FAM107B: variants seen among roughly 807,000 people sequenced by gnomAD.
FAM107B encodes the protein protein FAM107B.
Under a neutral mutation model 31.5 loss-of-function variants are expected in FAM107B, and 21 were observed. The ratio of observed to expected loss-of-function variants is 0.67; its 90% confidence interval spans 0.47 to 0.96. The LOEUF (loss-of-function observed/expected upper bound fraction) is 0.96, where lower values mean the gene tolerates loss of function less well. Ranked by LOEUF, FAM107B falls within the 40% of genes least tolerant of loss-of-function variation. FAM107B has a pLI of 0.00. For synonymous variants in FAM107B, 157 were observed against 141.5 expected (o/e 1.11, Z -0.78); for missense variants, 452 against 377.1 (o/e 1.20, Z -1.64).
At chr10:14,648,456 A>G (rs959932580) in intron 2 of FAM107B, among the ~76,000 whole-genome samples, 1 of 152,202 alleles carries the variant, frequency 6.6e-6, no homozygotes, top group African/African-American at 2.4e-5. Context: ...CTATTCAGAT[A>G]TCACTGGAAT....
intron 2 of FAM107B, among the ~76,000 whole-genome samples, chr10:14,595,468 C>G (rs544616058): frequency 7.2e-6 from 1 of 138,450 alleles, no homozygotes; most frequent in African/African-American, 2.6e-5. Flanking sequence ...CTCTGTCACC[C>G]AGGCTGGAGT....
chr10:14,529,131 G>A lies in FAM107B; in HGVS notation c.653+1201C>T, dbSNP rs536617786. 8.5e-5 allele frequency among the ~76,000 whole-genome samples: 13 copies of A among 152,300 alleles called. No homozygotes were observed. In the South Asian group the frequency reaches 2.7e-3, roughly 32 times the overall value. ...AATGAAGACATGATTTCCCAGGCAG[G>A]ATAGGATGGCTTCTAAATTCTGTGG... On this transcript the variant is annotated intron_variant, in intron 3 of 4. Coordinates refer to ENST00000181796, the MANE Select transcript of FAM107B (RefSeq NM_031453.4).
rs541056279 is a variant in FAM107B, at chr10:14,764,703, C to T, written c.411+9550G>A. Among the ~76,000 whole-genome samples the T allele has an allele frequency of 2.0e-4, 31 of 152,268 alleles. No individual in the cohort carries two copies. In the South Asian group the frequency reaches 6.4e-3, roughly 32 times the overall value. On this transcript the variant is annotated intron_variant, in intron 1 of 4. Transcript: ENST00000181796. ...GCTGGAAAAAGAAATCTCTAATTTCCCATAATTGATGTAGCACATCCATTC... is the reference window on the plus strand; with the variant it reads ...GCTGGAAAAAGAAATCTCTAATTTCTCATAATTGATGTAGCACATCCATTC...
chr10:14,772,685 C>G (rs1158335748), intron 1 of FAM107B, among the ~76,000 whole-genome samples: 1 of 152,162 alleles, frequency 6.6e-6, no homozygotes, highest in Non-Finnish European at 1.5e-5. Context: ...AATGTCCTCT[C>G]TGCTCCGGGC....
At chr10:14,654,225 C>T (rs1479025492) in intron 2 of FAM107B, among the ~76,000 whole-genome samples, 4 of 151,784 alleles carry the variant, frequency 2.6e-5, no homozygotes, top group Non-Finnish European at 4.4e-5. Flanking sequence ...TAAACATTGG[C>T]AACCAATTTT....
At chr10:14,548,630 C>A in intron 2 of FAM107B, 17 of 985,482 alleles carry the variant, frequency 1.7e-5, no homozygotes, top group Non-Finnish European at 2.0e-5. Context: ...AGGGCTCTCT[C>A]CAGCTGCGAA....
chr10:14,549,606 A>G (rs1426640117), intron 2 of FAM107B, among the ~76,000 whole-genome samples: 3 of 152,168 alleles, frequency 2.0e-5, no homozygotes, highest in African/African-American at 7.2e-5. Flanking sequence ...CTCCCTCTGG[A>G]GGCTTGTGGT....
At chr10:14,634,170 G>T (rs1395547749) in intron 2 of FAM107B, among the ~76,000 whole-genome samples, 1 of 152,184 alleles carries the variant, frequency 6.6e-6, no homozygotes, top group African/African-American at 2.4e-5. Flanking sequence ...GCCAAGGTGG[G>T]TGGATCATGA....
rs577747280 is a variant in FAM107B at position 14,520,640 on chromosome 10, C to T, written c.*550G>A. 3.3e-5 allele frequency: 5 copies of T among 152,350 alleles called. No homozygotes were observed. The East Asian group carries it at 5.8e-4, about 18-fold the overall frequency. 9.4% of individuals were successfully genotyped at this position (152,350 alleles called of 1,614,324 possible). A position where few individuals can be genotyped will look rare whatever the true frequency, so the allele number is the denominator to read the frequency against. ...AAGGGTAGTGGCTGTGCTCGACATT[C>T]ACGTTCCTTCTCTGGTGTTAACTGC... On this transcript the variant is annotated 3_prime_UTR_variant, in exon 5 of 5. Transcript: ENST00000181796.
intron 1 of FAM107B, among the ~76,000 whole-genome samples, chr10:14,737,753 G>GCA (rs1430948815): frequency 1.6e-5 from 2 of 123,734 alleles, no homozygotes; most frequent in African/African-American, 6.3e-5. Context: ...ATGCAGTGCT[G>GCA]TGCGTGCACG....
chr10:14,567,741 G>T (rs1414411344), intron 2 of FAM107B, among the ~76,000 whole-genome samples: 1 of 152,220 alleles, frequency 6.6e-6, no homozygotes, highest in African/African-American at 2.4e-5. Context: ...GGAAAAATCT[G>T]ATGTTCTTAT....
At chr10:14,718,811 T>C (rs943042026) in intron 1 of FAM107B, among the ~76,000 whole-genome samples, 1 of 152,278 alleles carries the variant, frequency 6.6e-6, no homozygotes, top group Non-Finnish European at 1.5e-5. Flanking sequence ...ATGCTGGTTC[T>C]GTTCATTGCA....
intron 2 of FAM107B, chr10:14,604,395 G>A (rs1027046676): frequency 1.1e-5 from 3 of 265,832 alleles, no homozygotes; most frequent in Non-Finnish European, 1.7e-5. Flanking sequence ...GGCGCAGGGC[G>A]GCTCTCGCTC....
intron 2 of FAM107B, among the ~76,000 whole-genome samples, chr10:14,604,742 G>T (rs114000381): frequency 3.9e-4 from 58 of 149,180 alleles, no homozygotes; most frequent in African/African-American, 1.4e-3. Context: ...TCGTTCCCTC[G>T]CTCTCTCCCT....
chr10:14,602,206 C>T (rs541022953), intron 2 of FAM107B, among the ~76,000 whole-genome samples: 20 of 152,298 alleles, frequency 1.3e-4, no homozygotes, highest in African/African-American at 4.1e-4. Context: ...CTCCCCTGAG[C>T]GTGTGTGCAG....
At chr10:14,558,456 G>C (rs1564564939) in intron 2 of FAM107B, among the ~76,000 whole-genome samples, 1 of 152,094 alleles carries the variant, frequency 6.6e-6, no homozygotes, top group Admixed American at 6.5e-5. Flanking sequence ...CTTTTAAAAG[G>C]TAACTTATTC....
chr10:14,543,971 C>A (rs760922420), intron 2 of FAM107B, among the ~76,000 whole-genome samples: 1 of 152,256 alleles, frequency 6.6e-6, no homozygotes, highest in South Asian at 2.1e-4. Flanking sequence ...CACCCCTGTT[C>A]CCAAGAACCA....
rs187860798 is a variant in FAM107B, at chr10:14,544,583, T to C, written c.470-14068A>G. ...GTAAGAAGACAAATTTCTGCTACTC[T>C]CTGAAGAATTTGTTGGCAATGTGTA... On this transcript the variant is annotated intron_variant, in intron 2 of 4. Transcript: ENST00000181796. Among the ~76,000 whole-genome samples, 421 of 152,328 alleles carry C rather than the reference T, an allele frequency of 2.8e-3. 4 individuals are homozygous for C. Among genetic ancestry groups the C allele is most frequent in the African/African-American group, 9.8e-3 (409 of 41,576 alleles).
At chr10:14,555,226 A>G (rs918450848) in intron 2 of FAM107B, among the ~76,000 whole-genome samples, 4 of 152,356 alleles carry the variant, frequency 2.6e-5, no homozygotes, top group Admixed American at 6.5e-5. Context: ...AATGACATAA[A>G]TTGAATTTAT....
Sources: gnomAD v4.1 joint callset for allele counts (sites outside exome capture counted in the v4.1 genomes callset) on GRCh38, gnomAD v4.1.1 for gene constraint, MANE v1.5 for transcripts, NCBI Gene and HGNC (gene_info 2026-07-23, HGNC 2026-07-21) for gene names.